SPINK5: variants seen among roughly 807,000 people sequenced by gnomAD.
SPINK5 encodes serine protease inhibitor Kazal-type 5.
SPINK5 carries 125 observed loss-of-function variants against 151.8 expected under a neutral mutation model. That is an observed-to-expected ratio of 0.82 (90% CI 0.71 to 0.96). SPINK5 has a LOEUF of 0.96. SPINK5 is among the 40% of genes least tolerant of loss of function. The probability of loss-of-function intolerance (pLI) is 0.00; values close to 1 mark genes in which losing one functional copy is unlikely to be tolerated. For missense variants in SPINK5, 1,194 were observed against 1,291.9 expected (o/e 0.92, Z 1.16); for synonymous variants, 374 against 395.3 (o/e 0.95, Z 0.64).
chr5:148,119,740 T>A (rs904395371), intron 24 of SPINK5, among the ~76,000 whole-genome samples: 1 of 152,240 alleles, frequency 6.6e-6, no homozygotes, highest in African/African-American at 2.4e-5. Flanking sequence ...CCCACTTGGA[T>A]AATCCAGGGT....
chr5:148,092,557 G>A (rs759993032), intron 8 of SPINK5, among the ~76,000 whole-genome samples: 1 of 151,826 alleles, frequency 6.6e-6, no homozygotes, highest in Non-Finnish European at 1.5e-5. Context: ...GGGCATGATG[G>A]TGTGAATAGG....
Position 148,133,851 on chromosome 5 carries a change from C to T in SPINK5, c.3150C>T (p.Ser1050=). The change falls in exon 32 of 33, where the codon AGC becomes AGT. Residue 1050 remains serine (S), a synonymous_variant. Transcript: ENST00000256084. ...GTACAGGGAAGTGTGAGGAGAGCAG[C>T]ACCCCAGGAACCACCGCAGCCAGCA... ...IRSTGKCEES[S]TPGTTAASMP... The T allele has an allele frequency of 6.2e-7, 1 of 1,613,998 alleles. No individual in the cohort carries two copies. The highest frequency in any genetic ancestry group is 8.5e-7 in the Non-Finnish European group (1 of 1,179,962).
intron 30 of SPINK5, among the ~76,000 whole-genome samples, chr5:148,127,578 T>C (rs1245223802): frequency 6.6e-6 from 1 of 151,884 alleles, no homozygotes; most frequent in Admixed American, 6.6e-5. Flanking sequence ...CTGAGCTGGG[T>C]GCGGTGGCTC....
chr5:148,076,480 C>G (rs547179991), intron 4 of SPINK5, among the ~76,000 whole-genome samples: 1 of 151,706 alleles, frequency 6.6e-6, no homozygotes, highest in East Asian at 2.0e-4. Flanking sequence ...TTTTTATAAT[C>G]AAAATGTTCA....
At chr5:148,094,272 G>T (rs116185406) in intron 8 of SPINK5, 82 bp from the exon 9 acceptor site, 14 of 1,500,514 alleles carry the variant, frequency 9.3e-6, no homozygotes, top group South Asian at 6.8e-5. Context: ...TCCACCCTGC[G>T]CAATGCAGCA....
In SPINK5 at chr5:148,127,053, G is replaced by T; in HGVS notation, c.2938G>T (p.Asp980Tyr). 1.2e-6 allele frequency: 2 copies of T among 1,613,636 alleles called. No individual in the cohort carries two copies. The highest frequency in any genetic ancestry group is 1.7e-6 in the Non-Finnish European group (2 of 1,179,754). ...PSHVRASQEE[D>Y]SPDSFSSLDS... ...CCATGTTAGAGCTTCTCAAGAGGAA[G>T]ACAGCCCAGACTCTTTCAGTTCTCT... The change falls in exon 30 of 33, where the codon GAC (aspartate) becomes TAC (tyrosine). Residue 980 changes from aspartate (D) to tyrosine (Y), a missense_variant. By Grantham distance (160) the Asp-to-Tyr change is radical. Transcript: ENST00000256084.
Position 148,124,808 on chromosome 5 carries a change from T to C in SPINK5, c.2710T>C (p.Ser904Pro). 2 of 1,607,384 alleles carry C rather than the reference T, an allele frequency of 1.2e-6. No individual in the cohort carries two copies. The highest frequency in any genetic ancestry group is 1.7e-6 in the Non-Finnish European group (2 of 1,176,840). Residue 904 changes from serine (S) to proline (P), a missense_variant, in exon 28 of 33, where the codon TCA becomes CCA. Transcript: ENST00000256084. ...NERKKKDEEK[S>P]SSKPSNNAKD... ...AAGAAAAAAGAAAGATGAAGAGAAA[T>C]CAAGTAGCAAGCCCTCAAATAATGC...
At position 148,101,424 on chromosome 5, in the gene SPINK5, A is replaced by G. The variant is rs769869315; in HGVS notation, c.1290A>G (p.Thr430=). The G allele has an allele frequency of 6.2e-7, 1 of 1,610,660 alleles. No individual in the cohort carries two copies. Among genetic ancestry groups the G allele is most frequent in the Admixed American group, 1.7e-5 (1 of 59,944 alleles). Residue 430 remains threonine, a synonymous_variant, in exon 14 of 33, where the codon ACA becomes ACG. Coordinates refer to ENST00000256084, the MANE Select transcript of SPINK5 (RefSeq NM_006846.4). ...KSRNKRQSKS[T]ASFEELCSEY... is the part of the protein sequence containing the mutation. ...GAAACAAAAGACAATCTAAGAGTAC[A>G]GCTTCCTTTGAGGTGAGTTTATATC...
At chr5:148,102,555 TTTC>T (rs1459930946) in intron 15 of SPINK5, among the ~76,000 whole-genome samples, 1 of 152,120 alleles carries the variant, frequency 6.6e-6, no homozygotes, top group Non-Finnish European at 1.5e-5. Flanking sequence ...TGCAGAATAA[TTTC>T]TTCTATGACA....
intron 3 of SPINK5, among the ~76,000 whole-genome samples, 163 bp downstream of exon 3, chr5:148,070,613 A>G (rs1009071253): frequency 6.6e-6 from 1 of 152,138 alleles, no homozygotes; most frequent in Non-Finnish European, 1.5e-5. Context: ...ATAAAGTTGG[A>G]TAATTACCAC....
Position 148,114,431 on chromosome 5 carries a change from G to C in SPINK5, c.1957G>C (p.Val653Leu), listed in dbSNP as rs1754031572. The change falls in exon 21 of 33, where the codon GTG becomes CTG. Residue 653 changes from valine (V) to leucine (L), a missense_variant. Transcript: ENST00000256084. The stretch of plus-strand genomic sequence containing the variant: ...TTTCTGCACAAGAGAAAATGATCCT[G>C]TGCGTGGCCCAGATGGCAAGACCCA... ...KLFCTRENDP[V>L]RGPDGKTHGN... The C allele has an allele frequency of 1.9e-6, 3 of 1,613,688 alleles. No individual in the cohort carries two copies. The highest frequency in any genetic ancestry group is 1.7e-6 in the Non-Finnish European group (2 of 1,179,780).
chr5:148,107,138 C>T lies in SPINK5; in HGVS notation c.1581C>T (p.Asn527=). 6.2e-7 allele frequency: 1 copy of T among 1,612,778 alleles called. No homozygotes were observed. ...VRGPDGKMHG[N]KCAMCASVFK... is the part of the protein sequence containing the mutation. Reference sequence around the variant, plus strand: ...GCCCAGATGGCAAAATGCATGGAAACAAGTGTGCCATGTGTGCCAGTGTGT... The same window carrying T: ...GCCCAGATGGCAAAATGCATGGAAATAAGTGTGCCATGTGTGCCAGTGTGT... The change falls in exon 17 of 33, where the codon AAC becomes AAT. Residue 527 remains asparagine (N), a synonymous_variant. Transcript: ENST00000256084.
At chr5:148,090,364 A>G (rs188868664) in intron 7 of SPINK5, among the ~76,000 whole-genome samples, 5 of 151,968 alleles carry the variant, frequency 3.3e-5, no homozygotes, top group East Asian at 3.9e-4. Context: ...ATTCAAGGAC[A>G]TGTCCAATCA....
Position 148,114,373 on chromosome 5 carries a change from T to C in SPINK5, c.1899T>C (p.Asp633=), listed in dbSNP as rs1754029439. 5 of 1,612,706 alleles carry C rather than the reference T, an allele frequency of 3.1e-6. No individual in the cohort carries two copies. The highest frequency in any genetic ancestry group is 4.2e-6 in the Non-Finnish European group (5 of 1,179,168). Residue 633 remains aspartate, a synonymous_variant, in exon 21 of 33, where the codon GAT becomes GAC. Transcript: ENST00000256084. ...TCTTTTCCTTTTAGGAGACATGCGA[T>C]GAATTTCGGAGACTTTTGCAAAATG... ...VKREAEKETC[D]EFRRLLQNGK...
chr5:148,085,701 A>G (rs1561680135), intron 4 of SPINK5, among the ~76,000 whole-genome samples: 1 of 151,868 alleles, frequency 6.6e-6, no homozygotes, highest in Non-Finnish European at 1.5e-5. Flanking sequence ...CATTATTAGA[A>G]TAGAGATTTG....
intron 4 of SPINK5, among the ~76,000 whole-genome samples, chr5:148,081,450 T>C (rs562304416): frequency 6.6e-6 from 1 of 151,914 alleles, no homozygotes; most frequent in African/African-American, 2.4e-5. Flanking sequence ...AGGGATGTGC[T>C]ACTGACAATT....
intron 20 of SPINK5, among the ~76,000 whole-genome samples, chr5:148,113,891 C>G (rs1020868387): frequency 6.6e-6 from 1 of 152,078 alleles, no homozygotes; most frequent in Non-Finnish European, 1.5e-5. Flanking sequence ...CTAAATATAA[C>G]TAGTTAGGGG....
At chr5:148,113,498 T>C (rs1325047233) in intron 20 of SPINK5, among the ~76,000 whole-genome samples, 2 of 152,208 alleles carry the variant, frequency 1.3e-5, no homozygotes, top group Non-Finnish European at 2.9e-5. Context: ...CATGTGTTCC[T>C]TGCTTTACCT....
At chr5:148,093,526 A>T (rs1311405474) in intron 8 of SPINK5, among the ~76,000 whole-genome samples, 1 of 151,956 alleles carries the variant, frequency 6.6e-6, no homozygotes, top group Admixed American at 6.6e-5. Context: ...CCATAGAGAA[A>T]ATCAACTAAA....
Sources: allele counts gnomAD v4.1 joint callset (sites outside exome capture counted in the v4.1 genomes callset), GRCh38; gene constraint gnomAD v4.1.1; transcripts MANE v1.5; gene names NCBI Gene and HGNC (gene_info 2026-07-23, HGNC 2026-07-21).